Variants in CLHC1 observed in about 807,000 individuals in gnomAD.
CLHC1 encodes the protein clathrin heavy chain linker domain-containing protein 1.
Under a neutral mutation model 69.5 loss-of-function variants are expected in CLHC1, and 72 were observed. The observed-to-expected ratio is 1.04, with a 90% CI of 0.86 to 1.26. The LOEUF is 1.26. Among genes scored for constraint, CLHC1 ranks in the 50% most tolerant of loss-of-function variants. The probability of loss-of-function intolerance (pLI) is 0.00; values close to 1 mark genes in which losing one functional copy is unlikely to be tolerated. For synonymous variants in CLHC1, 223 were observed against 224.3 expected, an observed-to-expected ratio of 0.99 and a Z score of 0.05; for missense variants, 790 against 679.3, an observed-to-expected ratio of 1.16 and a Z score of -1.81.
rs900620434 is a variant in CLHC1, at chr2:55,175,091, T to G, written c.*699A>C. 6.6e-6 allele frequency: 1 copy of G among 152,054 alleles called. No homozygotes were observed. The highest frequency in any genetic ancestry group is 1.5e-5 in the Non-Finnish European group (1 of 68,046). The allele number at this position is 152,054 out of a possible 1,614,324, so 9.4% of individuals were successfully genotyped here. A position where few individuals can be genotyped will look rare whatever the true frequency, so the allele number is the denominator to read the frequency against. On this transcript the variant is annotated 3_prime_UTR_variant, in exon 13 of 13. Transcript: ENST00000401408. ...TTACACCTGTCCATGGCACAGAACT[T>G]TCAGAGTTTTCAATCAAATACTTAT...
intron 1 of CLHC1, among the ~76,000 whole-genome samples, chr2:55,229,567 C>T (rs957876647): frequency 6.6e-6 from 1 of 152,210 alleles, no homozygotes; most frequent in African/African-American, 2.4e-5. Context: ...GAACTACTAT[C>T]AGCCTAGGGG....
In CLHC1 at chr2:55,178,058, A is replaced by G. The variant is rs529492887; in HGVS notation, c.1385-277T>C. The stretch of plus-strand genomic sequence containing the variant: ...ATGAAAAAAATGTGGTATAATAAAA[A>G]TACAGATTGGCTACTAGGAAACCTG... On this transcript the variant is annotated intron_variant, in intron 11 of 12. Transcript: ENST00000401408. Among the ~76,000 whole-genome samples the G allele has an allele frequency of 7.9e-5, 12 of 152,360 alleles. No individual in the cohort carries two copies. The East Asian group carries it at 1.9e-3, about 24-fold the overall frequency.
At chr2:55,183,648 G>A (rs975701851) in intron 9 of CLHC1, among the ~76,000 whole-genome samples, 3 of 152,128 alleles carry the variant, frequency 2.0e-5, no homozygotes, top group Non-Finnish European at 4.4e-5. Flanking sequence ...ATACTGTATT[G>A]TAAAGAAAAT....
At position 55,186,221 on chromosome 2, in the gene CLHC1, C is replaced by T. The variant is rs543534949; in HGVS notation, c.1007-4477G>A. ...AAAGATCAGCTTCAGGCTGTTGAAA[C>T]ATTAGAGACCAGGCAGAGACAAACA... On this transcript the variant is annotated intron_variant, in intron 9 of 12. Coordinates refer to ENST00000401408, the MANE Select transcript of CLHC1 (RefSeq NM_152385.4). 4.6e-5 allele frequency among the ~76,000 whole-genome samples: 7 copies of T among 152,296 alleles called. No homozygotes were observed. The South Asian group carries it at 1.5e-3, about 32-fold the overall frequency.
At chr2:55,220,439 T>C (rs928369589) in intron 3 of CLHC1, among the ~76,000 whole-genome samples, 1 of 152,236 alleles carries the variant, frequency 6.6e-6, no homozygotes, top group Non-Finnish European at 1.5e-5. Flanking sequence ...TTTCCATTTC[T>C]AGATCCCCTC....
chr2:55,214,890 A>C (rs941662279), intron 4 of CLHC1: 3 of 152,230 alleles, frequency 2.0e-5, no homozygotes, highest in African/African-American at 7.2e-5. Context: ...ATTAAGTTCT[A>C]ATACATTACC....
intron 1 of CLHC1, among the ~76,000 whole-genome samples, chr2:55,231,640 G>T (rs1437203726): frequency 6.6e-6 from 1 of 152,144 alleles, no homozygotes; most frequent in African/African-American, 2.4e-5. Flanking sequence ...AAATACAGAA[G>T]ACATTAGAAA....
chr2:55,226,251 G>T (rs1209550828), intron 2 of CLHC1, among the ~76,000 whole-genome samples: 3 of 151,742 alleles, frequency 2.0e-5, no homozygotes, highest in African/African-American at 7.3e-5. Flanking sequence ...AACTGAAGTT[G>T]GATACAGAAG....
At chr2:55,197,130 A>T (rs1184191601) in intron 9 of CLHC1, among the ~76,000 whole-genome samples, 5 of 152,270 alleles carry the variant, frequency 3.3e-5, no homozygotes, top group African/African-American at 1.2e-4. Context: ...AAGGAGAGGA[A>T]AAAATAGGAA....
intron 9 of CLHC1, among the ~76,000 whole-genome samples, chr2:55,204,153 G>A (rs2103893172): frequency 6.6e-6 from 1 of 152,222 alleles, no homozygotes; most frequent in South Asian, 2.1e-4. Flanking sequence ...GCATGGTGGT[G>A]CATGCTTGTA....
chr2:55,203,191 T>C (rs1672125358), intron 9 of CLHC1, among the ~76,000 whole-genome samples: 2 of 152,174 alleles, frequency 1.3e-5, no homozygotes, highest in Admixed American at 1.3e-4. Context: ...ATATGCCATA[T>C]TCATGGATTG....
intron 2 of CLHC1, chr2:55,224,293 G>T: frequency 4.5e-6 from 2 of 444,326 alleles, no homozygotes; most frequent in Non-Finnish European, 4.6e-6. Context: ...GGCGTCCCAT[G>T]CAGAGTGCCG....
At chr2:55,217,561 A>ATATATG (rs1409675914) in intron 4 of CLHC1, among the ~76,000 whole-genome samples, 7 of 81,342 alleles carry the variant, frequency 8.6e-5, no homozygotes, top group Admixed American at 2.7e-4. Flanking sequence ...AAATATATAT[A>ATATATG]TATATATATA....
At chr2:55,201,949 A>G (rs184113814) in intron 9 of CLHC1, among the ~76,000 whole-genome samples, 29 of 152,340 alleles carry the variant, frequency 1.9e-4, no homozygotes, top group Admixed American at 7.2e-4. Context: ...AAAGCATTTA[A>G]TAAAATTCAA....
chr2:55,185,966 A>C (rs969239467), intron 9 of CLHC1, among the ~76,000 whole-genome samples: 2 of 152,202 alleles, frequency 1.3e-5, no homozygotes, highest in African/African-American at 4.8e-5. Context: ...CTAAAAAATA[A>C]GTATTTTAAG....
At position 55,177,591 on chromosome 2, in the gene CLHC1, A is replaced by G. The variant is rs778590859; in HGVS notation, c.1564+11T>C. The G allele has an allele frequency of 2.6e-6, 4 of 1,564,822 alleles. No individual in the cohort carries two copies. The highest frequency in any genetic ancestry group is 2.6e-6 in the Non-Finnish European group (3 of 1,149,878). On this transcript the variant is annotated intron_variant, in intron 12 of 12. Coordinates refer to ENST00000401408, the MANE Select transcript of CLHC1 (RefSeq NM_152385.4). ...ACTACTATTTCTCCCACAACATTTT[A>G]TTCTACTTACCTATCCCACCTTTAT... is the stretch of plus-strand genomic sequence containing the variant.
chr2:55,177,950 G>A (rs1023990929), intron 11 of CLHC1, among the ~76,000 whole-genome samples, 169 bp from the exon 12 acceptor site: 3 of 114,192 alleles, frequency 2.6e-5, no homozygotes, highest in East Asian at 2.7e-4. Context: ...CCTAGCCCCC[G>A]TCAAAAAAAA....
intron 8 of CLHC1, among the ~76,000 whole-genome samples, chr2:55,207,811 G>A (rs1318001362): frequency 2.6e-5 from 4 of 152,234 alleles, no homozygotes; most frequent in African/African-American, 9.6e-5. Context: ...AAGAGCTGAA[G>A]TAAATACGGC....
intron 9 of CLHC1, among the ~76,000 whole-genome samples, chr2:55,188,720 T>A (rs141024680): frequency 4.6e-5 from 7 of 152,138 alleles, no homozygotes; most frequent in African/African-American, 7.2e-5. Flanking sequence ...GATAAATACA[T>A]TGTAGTACAT....
Sources: gnomAD v4.1 joint callset for allele counts (sites outside exome capture counted in the v4.1 genomes callset) on GRCh38, gnomAD v4.1.1 for gene constraint, MANE v1.5 for transcripts, NCBI Gene and HGNC (gene_info 2026-07-23, HGNC 2026-07-21) for gene names.